MIDEAS: variants seen among roughly 807,000 people sequenced by gnomAD.
The protein encoded by MIDEAS is mitotic deacetylase-associated SANT domain protein.
In MIDEAS, 26 loss-of-function variants were observed where a neutral mutation model predicts 102.7. The observed-to-expected ratio is 0.25, with a 90% confidence interval of 0.19 to 0.35. The LOEUF (loss-of-function observed/expected upper bound fraction) is 0.35. MIDEAS is among the 10% of genes least tolerant of loss of function. MIDEAS has a pLI of 1.00. For synonymous variants in MIDEAS, 585 were observed against 591.0 expected (o/e 0.99, Z 0.15); for missense variants, 1,231 against 1,435.6 (o/e 0.86, Z 2.30).
chr14:73,732,785 C>CAA (rs57681928), intron 3 of MIDEAS, among the ~76,000 whole-genome samples: 4,856 of 45,274 alleles, frequency 0.11, 392 homozygotes, highest in East Asian at 0.56. Context: ...GACTCCCTCT[C>CAA]AAAAAAAAAA....
intron 1 of MIDEAS, among the ~76,000 whole-genome samples, chr14:73,768,706 G>T (rs62006085): frequency 6.6e-6 from 1 of 152,064 alleles, no homozygotes; most frequent in Admixed American, 6.5e-5. Flanking sequence ...GGCTGGTCTC[G>T]AACTCCTGAC....
chr14:73,777,147 C>T (rs140062346), intron 1 of MIDEAS, among the ~76,000 whole-genome samples: 7 of 152,034 alleles, frequency 4.6e-5, no homozygotes, highest in East Asian at 1.9e-4. Context: ...CAACCACATG[C>T]GCAGCCTAGC....
At chr14:73,784,607 T>A (rs1018579004) in intron 1 of MIDEAS, among the ~76,000 whole-genome samples, 1 of 152,160 alleles carries the variant, frequency 6.6e-6, no homozygotes, top group African/African-American at 2.4e-5. Flanking sequence ...CGATCCCTTC[T>A]CCTGCCCCTC....
chr14:73,784,529 T>A (rs990597716), intron 1 of MIDEAS, among the ~76,000 whole-genome samples: 5 of 152,138 alleles, frequency 3.3e-5, no homozygotes, highest in Non-Finnish European at 7.4e-5. Context: ...TTGGGGCACT[T>A]TTAGTCTCTG....
At chr14:73,771,704 G>A (rs186638521) in intron 1 of MIDEAS, among the ~76,000 whole-genome samples, 76 of 152,380 alleles carry the variant, frequency 5.0e-4, no homozygotes, top group African/African-American at 1.7e-3. Context: ...ACGGCAAGAC[G>A]TGGGGTCAGA....
rs189818005 is a variant in MIDEAS at position 73,721,580 on chromosome 14, G to T, written c.2725-71C>A. On this transcript the variant is annotated intron_variant, in intron 10 of 12. Coordinates refer to ENST00000423556, the MANE Select transcript of MIDEAS (RefSeq NM_001367710.1). ...ACTGCTGTAGCACAGATTCTGACCC[G>T]GCCGGGGGGTTCACCAGCCCCAGCT... 9.9e-4 allele frequency: 1,434 copies of T among 1,452,230 alleles called. 18 individuals carry two copies. In the South Asian group the frequency reaches 0.015, roughly 16 times the overall value. 90.0% of individuals were successfully genotyped at this position (1,452,230 alleles called of 1,614,324 possible). A position where few individuals can be genotyped will look rare whatever the true frequency, so the allele number is the denominator to read the frequency against.
At position 73,718,833 on chromosome 14, in the gene MIDEAS, G is replaced by T. The variant is rs1334697137; in HGVS notation, c.*10C>A. ...CGAGGCCCAGGACTGGGCCAGCCTG[G>T]CTCCCGCGCTCAGCCCTTGTCGCCC... On this transcript the variant is annotated 3_prime_UTR_variant, in exon 13 of 13. Transcript: ENST00000423556. 7.0e-7 allele frequency: 1 copy of T among 1,432,070 alleles called. No homozygotes were observed. The highest frequency in any genetic ancestry group is 1.5e-5 in the South Asian group (1 of 68,136). The allele number at this position is 1,432,070 out of a possible 1,614,324, so 88.7% of individuals were successfully genotyped here.
intron 10 of MIDEAS, 160 bp from the exon 11 acceptor site, chr14:73,721,669 T>C (rs1018357269): frequency 1.6e-6 from 1 of 634,182 alleles, no homozygotes; most frequent in South Asian, 1.9e-5. Flanking sequence ...TCTGTCCCCA[T>C]GGCATAGTAG....
intron 1 of MIDEAS, 104 bp from the exon 2 acceptor site, chr14:73,740,359 C>A (rs1009392108): frequency 1.0e-5 from 4 of 398,594 alleles, no homozygotes; most frequent in Non-Finnish European, 8.8e-6. Context: ...TCGGTCCCAC[C>A]ACCTCATATC....
At chr14:73,719,274 G>A in intron 12 of MIDEAS, 31 bp downstream of exon 12, 2 of 1,592,938 alleles carry the variant, frequency 1.3e-6, no homozygotes, top group East Asian at 4.6e-5. Flanking sequence ...GCCCGCGGGG[G>A]TCCCAGCGGG....
At position 73,783,944 on chromosome 14, in the gene MIDEAS, G is replaced by A. The variant is rs191001036; in HGVS notation, c.-248+3158C>T. Among the ~76,000 whole-genome samples, 67 of 152,310 alleles carry A rather than the reference G, an allele frequency of 4.4e-4. 1 individual carries two copies. The highest frequency in any genetic ancestry group is 2.5e-3 in the Admixed American group (38 of 15,304). On this transcript the variant is annotated intron_variant, in intron 1 of 11. Coordinates refer to the MIDEAS transcript ENST00000394071. The stretch of plus-strand genomic sequence containing the variant: ...ACTGGGTTGTGGTATAGGAAGTGGG[G>A]CAGCTAGGAAGGGGCAGATTAATGG...
At chr14:73,731,098 C>G (rs1033295504) in intron 3 of MIDEAS, among the ~76,000 whole-genome samples, 11 of 152,220 alleles carry the variant, frequency 7.2e-5, no homozygotes, top group Admixed American at 1.3e-4. Flanking sequence ...CTTCTCCCTG[C>G]TAGGTACGCC....
At position 73,738,676 on chromosome 14, in the gene MIDEAS, C is replaced by T. The variant is rs747094663; in HGVS notation, c.1333G>A (p.Val445Met). 7 of 1,613,930 alleles carry T rather than the reference C, an allele frequency of 4.3e-6. No homozygotes were observed. Among genetic ancestry groups the T allele is most frequent in the Admixed American group, 1.7e-5 (1 of 60,016 alleles). ...CTCTGGATCACTCCGCCCCGTAGCA[C>T]CTGCCCACAGTCCCCTGTGCTCACT... ...RAVSTGDCGQ[V>M]LRGGVIQSTR... Residue 445 changes from valine (V) to methionine (M), a missense_variant, in exon 2 of 13, where the codon GTG (valine) becomes ATG (methionine). By Grantham distance (21) the Val-to-Met change is conservative (BLOSUM62 1). Around this residue, in one of 5 missense-constraint regions of MIDEAS, gnomAD observed 758 missense variants for 856.0 expected, o/e 0.89. Coordinates refer to ENST00000423556, the MANE Select transcript of MIDEAS (RefSeq NM_001367710.1).
intron 10 of MIDEAS, 67 bp from the exon 11 acceptor site, chr14:73,721,576 A>G: frequency 6.7e-7 from 1 of 1,496,450 alleles, no homozygotes; most frequent in Non-Finnish European, 9.3e-7. Flanking sequence ...ACAGATTCTG[A>G]CCCGGCCGGG....
rs1296218855 is a variant in MIDEAS, at chr14:73,759,724, C to G, written c.-248+39G>C. The G allele has an allele frequency of 6.6e-6, 1 of 151,676 alleles. No homozygotes were observed. The highest frequency in any genetic ancestry group is 2.4e-5 in the African/African-American group (1 of 41,346). 9.4% of individuals were successfully genotyped at this position (151,676 alleles called of 1,614,324 possible). A position where few individuals can be genotyped will look rare whatever the true frequency, so the allele number is the denominator to read the frequency against. On this transcript the variant is annotated intron_variant, in intron 1 of 12. Transcript: ENST00000423556. The surrounding 1 kb of genome is among the most constrained non-coding windows in gnomAD (Gnocchi z 6.7). Reference sequence around the variant, plus strand: ...TGGGGTCCCCTCGCCGGCCCCGCCGCGTGCAGGCCTCGGCCGCCGGCCAGG... The same window carrying G: ...TGGGGTCCCCTCGCCGGCCCCGCCGGGTGCAGGCCTCGGCCGCCGGCCAGG...
In MIDEAS at chr14:73,773,987, A is replaced by G. The variant is rs373278525; in HGVS notation, c.-248+13115T>C. On this transcript the variant is annotated intron_variant, in intron 1 of 11. Coordinates refer to the MIDEAS transcript ENST00000394071. ...CAGTGAGCTGATATCACACCACTGC[A>G]CTCCAGCCTAGGTGACAGGGTGAGA... 5.6e-4 allele frequency among the ~76,000 whole-genome samples: 83 copies of G among 148,552 alleles called. 1 individual carries two copies. Among genetic ancestry groups the G allele is most frequent in the African/African-American group, 1.9e-3 (78 of 40,360 alleles).
At chr14:73,744,675 C>T (rs1451880797) in intron 1 of MIDEAS, among the ~76,000 whole-genome samples, 3 of 151,342 alleles carry the variant, frequency 2.0e-5, no homozygotes, top group Non-Finnish European at 1.5e-5. Flanking sequence ...CAAGTCCCTG[C>T]AGACCTTGGC....
At chr14:73,722,448 G>C (rs909210344) in intron 10 of MIDEAS, 8 of 346,474 alleles carry the variant, frequency 2.3e-5, no homozygotes, top group African/African-American at 1.7e-4. Context: ...AGCGGAGATA[G>C]GAAGATGATG....
In MIDEAS at chr14:73,718,676, C is replaced by T. The variant is rs2052930734; in HGVS notation, c.*167G>A. On this transcript the variant is annotated 3_prime_UTR_variant, in exon 13 of 13. Transcript: ENST00000423556. Reference sequence around the variant, plus strand: ...GGAGCCCTTAACGCTGCTCCCAGGGCCTTCATAAATAAAAGAGCCGTTTAT... The same window carrying T: ...GGAGCCCTTAACGCTGCTCCCAGGGTCTTCATAAATAAAAGAGCCGTTTAT... 1.5e-6 allele frequency: 1 copy of T among 646,272 alleles called. No individual in the cohort carries two copies. Among genetic ancestry groups the T allele is most frequent in the Non-Finnish European group, 2.3e-6 (1 of 437,574 alleles). The allele number at this position is 646,272 out of a possible 1,614,324, so 40.0% of individuals were successfully genotyped here. A position where few individuals can be genotyped will look rare whatever the true frequency, so the allele number is the denominator to read the frequency against.
Sources: allele counts gnomAD v4.1 joint callset (sites outside exome capture counted in the v4.1 genomes callset), GRCh38; gene constraint gnomAD v4.1.1; regional missense constraint gnomAD v4.1.1; non-coding constraint Gnocchi (gnomAD v3.1); transcripts MANE v1.5; gene names NCBI Gene and HGNC (gene_info 2026-07-23, HGNC 2026-07-21).